CFAP58: variants seen among roughly 807,000 people sequenced by gnomAD.
CFAP58 encodes cilia- and flagella-associated protein 58.
In CFAP58, 88 loss-of-function variants were observed where a neutral mutation model predicts 119.5. That is an observed-to-expected ratio of 0.74 (90% CI 0.62 to 0.88). The LOEUF (loss-of-function observed/expected upper bound fraction) is 0.88. Ranked by LOEUF, CFAP58 falls within the 40% of genes least tolerant of loss-of-function variation. CFAP58 has a pLI of 0.00. For missense variants in CFAP58, 990 were observed against 1,021.2 expected, an observed-to-expected ratio of 0.97 and a Z score of 0.42; for synonymous variants, 365 against 366.3, an observed-to-expected ratio of 1.00 and a Z score of 0.04.
intron 15 of CFAP58, among the ~76,000 whole-genome samples, chr10:104,424,754 G>A (rs888921779): frequency 6.6e-6 from 1 of 152,144 alleles, no homozygotes; most frequent in African/African-American, 2.4e-5. Flanking sequence ...CCACTGTCTG[G>A]GATGGTATAT....
At chr10:104,439,801 A>G (rs922404246) in intron 15 of CFAP58, among the ~76,000 whole-genome samples, 10 of 152,214 alleles carry the variant, frequency 6.6e-5, no homozygotes, top group South Asian at 2.1e-4. Flanking sequence ...TTTTCTTTAA[A>G]TTTGGAAGTG....
chr10:104,401,954 C>T (rs759308663), intron 13 of CFAP58, among the ~76,000 whole-genome samples: 16 of 152,178 alleles, frequency 1.1e-4, no homozygotes, highest in Non-Finnish European at 2.2e-4. Flanking sequence ...GAATAGTCTC[C>T]AAACCATCAC....
chr10:104,397,464 T>C (rs948828404), intron 11 of CFAP58, among the ~76,000 whole-genome samples: 3 of 152,222 alleles, frequency 2.0e-5, no homozygotes, highest in Non-Finnish European at 2.9e-5. Context: ...CAGTATCTTT[T>C]ACTGTTTGGA....
chr10:104,365,768 G>A (rs1163145110), intron 4 of CFAP58, 46 bp from the exon 5 acceptor site: 1 of 1,537,504 alleles, frequency 6.5e-7, no homozygotes, highest in Admixed American at 2.0e-5. Context: ...GACCTGCCAT[G>A]GTCAGGGCTC....
rs2011998412 is a variant in CFAP58 at position 104,389,870 on chromosome 10, C to A, written c.1366-2363C>A. ...AAAGAACTAAAAAGAAAGATATAGG[C>A]CTAGCTCACTTGGGAAAATGCATGC... On this transcript the variant is annotated intron_variant, in intron 9 of 17. Coordinates refer to ENST00000369704, the MANE Select transcript of CFAP58 (RefSeq NM_001008723.2). Among the ~76,000 whole-genome samples the A allele has an allele frequency of 7.2e-5, 11 of 152,094 alleles. No individual in the cohort carries two copies. The South Asian group carries it at 2.3e-3, about 32-fold the overall frequency.
At chr10:104,352,078 GCAAAAAATGAGCTTA>G (rs1035413741), upstream of CFAP58, among the ~76,000 whole-genome samples, 6 of 151,972 alleles carry the variant, frequency 3.9e-5, no homozygotes, top group African/African-American at 9.7e-5. Context: ...GAAAATGAAA[GCAAAAAATGAGCTTA>G]CACTACTTTC....
chr10:104,391,801 C>G (rs1024375171), intron 9 of CFAP58, among the ~76,000 whole-genome samples: 1 of 152,164 alleles, frequency 6.6e-6, no homozygotes, highest in African/African-American at 2.4e-5. Flanking sequence ...GACCATTTTT[C>G]TTTCTCGTGG....
At chr10:104,363,015 C>T (rs11815479) in intron 3 of CFAP58, among the ~76,000 whole-genome samples, 1,902 of 152,290 alleles carry the variant, frequency 0.012, 29 homozygotes, top group African/African-American at 0.043. Flanking sequence ...CCATGGTCAA[C>T]TTTTATGCCT....
At chr10:104,387,501 C>CT (rs2011948110) in intron 9 of CFAP58, among the ~76,000 whole-genome samples, 1 of 152,238 alleles carries the variant, frequency 6.6e-6, no homozygotes, top group African/African-American at 2.4e-5. Flanking sequence ...ATGCACTTCT[C>CT]TCTTTAGGTT....
At chr10:104,412,326 A>T (rs970702839) in intron 15 of CFAP58, among the ~76,000 whole-genome samples, 7 of 152,112 alleles carry the variant, frequency 4.6e-5, no homozygotes, top group Non-Finnish European at 8.8e-5. Context: ...TAATAATAGT[A>T]TTATTATTAA....
chr10:104,444,801 C>T (rs1277701757), intron 15 of CFAP58, among the ~76,000 whole-genome samples: 1 of 152,200 alleles, frequency 6.6e-6, no homozygotes, highest in African/African-American at 2.4e-5. Flanking sequence ...ATGTATTCCA[C>T]TATCTTAGTC....
rs775294173 is a variant in CFAP58 at position 104,357,972 on chromosome 10, TATGTAC to T, written c.10-366_10-361del. On this transcript the variant is annotated intron_variant, in intron 1 of 17. Transcript: ENST00000369704. ...ACATATATACACATATATGTACACA[TATGTAC>T]ATATGTACACATATATGTACACATA... Among the ~76,000 whole-genome samples the T allele has an allele frequency of 3.4e-3, 476 of 139,086 alleles. 8 individuals are homozygous for T. The highest frequency in any genetic ancestry group is 5.5e-3 in the African/African-American group (174 of 31,860). The allele number at this position is 139,086 out of a possible 152,430, so 91.2% of individuals were successfully genotyped here.
At chr10:104,407,582 C>A (rs1311643901) in intron 15 of CFAP58, among the ~76,000 whole-genome samples, 2 of 152,012 alleles carry the variant, frequency 1.3e-5, no homozygotes, top group Non-Finnish European at 1.5e-5. Flanking sequence ...AATAACAGAA[C>A]CTGTGAAAAT....
chr10:104,381,053 G>A (rs1270081169), intron 9 of CFAP58, among the ~76,000 whole-genome samples: 4 of 152,144 alleles, frequency 2.6e-5, no homozygotes, highest in South Asian at 2.1e-4. Flanking sequence ...GGAGGGCTGC[G>A]GTAGGAGGAA....
chr10:104,367,214 G>A (rs1191697431), intron 5 of CFAP58, among the ~76,000 whole-genome samples: 7 of 152,114 alleles, frequency 4.6e-5, no homozygotes, highest in African/African-American at 1.7e-4. Flanking sequence ...CAGTCTTTAT[G>A]TATTTTTAAT....
intron 1 of CFAP58, among the ~76,000 whole-genome samples, chr10:104,357,904 CATATACACACAT>C (rs1564875858): frequency 4.1e-5 from 4 of 98,148 alleles, no homozygotes; most frequent in Admixed American, 9.2e-5. Context: ...TATATGTACA[CATATACACACAT>C]ATATGTACAC....
chr10:104,454,360 C>A, intron 17 of CFAP58, 62 bp from the exon 18 acceptor site: 2 of 1,313,834 alleles, frequency 1.5e-6, no homozygotes, highest in Non-Finnish European at 2.2e-6. Flanking sequence ...CTAGGATTAT[C>A]AAATGTCAAA....
In CFAP58 at chr10:104,443,553, T is replaced by C. The variant is rs11192062; in HGVS notation, c.2257-4145T>C. Among the ~76,000 whole-genome samples the C allele has an allele frequency of 0.014, 2,158 of 152,298 alleles. 81 individuals carry two copies. In the East Asian group the frequency reaches 0.15, roughly 10 times the overall value. The stretch of plus-strand genomic sequence containing the variant: ...TGCCAAATACAGATTCAGATGAAAA[T>C]GGAATAAATTAGTTCCTCTCAGTCA... On this transcript the variant is annotated intron_variant, in intron 15 of 17. Transcript: ENST00000369704.
chr10:104,363,912 G>A (rs139821834), intron 3 of CFAP58, among the ~76,000 whole-genome samples: 15 of 152,328 alleles, frequency 9.8e-5, no homozygotes, highest in African/African-American at 3.4e-4. Context: ...TGCAGAGGTC[G>A]TATCAGACAC....
Sources: allele counts gnomAD v4.1 joint callset (sites outside exome capture counted in the v4.1 genomes callset), GRCh38; gene constraint gnomAD v4.1.1; transcripts MANE v1.5; gene names NCBI Gene and HGNC (gene_info 2026-07-23, HGNC 2026-07-21).